Variants in ABCC9 observed in about 807,000 individuals in gnomAD.
ABCC9 encodes the protein ATP-binding cassette sub-family C member 9.
A neutral mutation model predicts 188.3 loss-of-function variants in ABCC9; 95 were observed. The ratio of observed to expected loss-of-function variants is 0.50; its 90% CI spans 0.43 to 0.60. The LOEUF (loss-of-function observed/expected upper bound fraction) is 0.60, where lower values mean the gene tolerates loss of function less well. Ranked by LOEUF, ABCC9 falls within the 20% of genes least tolerant of loss-of-function variation. ABCC9 has a pLI of 0.00. For missense variants in ABCC9, 1,102 were observed against 1,876.3 expected, an observed-to-expected ratio of 0.59 and a Z score of 7.62; for synonymous variants, 659 against 652.7, an observed-to-expected ratio of 1.01 and a Z score of -0.15.
In ABCC9 at chr12:21,910,896, T is replaced by G; in HGVS notation, c.1094A>C (p.Gln365Pro). ...GTAGGAAGCCTGCAAAAATGTCCTT[T>G]GCAGAATAAGAGCCAAGAAGAGAAG... Reference protein sequence around the residue: ...AVLLFLALILQRTFLQASYYV... With the variant: ...AVLLFLALILPRTFLQASYYV... The change falls in exon 9 of 40, where the codon CAA becomes CCA. Residue 365 changes from glutamine (Q) to proline (P), a missense_variant. By Grantham distance (76) the Gln-to-Pro change is moderately conservative (BLOSUM62 -1). This residue lies in a region of ABCC9 where 305 missense variants were observed against 573.0 expected (regional missense o/e 0.53). Transcript: ENST00000261200. The G allele has an allele frequency of 6.2e-7, 1 of 1,612,752 alleles. No homozygotes were observed. Among genetic ancestry groups the G allele is most frequent in the Non-Finnish European group, 8.5e-7 (1 of 1,178,996 alleles).
intron 10 of ABCC9, among the ~76,000 whole-genome samples, chr12:21,909,219 A>G (rs1460427677): frequency 1.3e-5 from 2 of 151,996 alleles, no homozygotes; most frequent in African/African-American, 4.8e-5. Context: ...ATAAAATGAG[A>G]CAAAGTACAT....
chr12:21,817,325 A>G lies in ABCC9; in HGVS notation c.3772-18T>C. ...TTGGTTATCTGTGTCAGGTGATTAA[A>G]AAAATTGTTTTAAATAAATTAAAGT... On this transcript the variant is annotated intron_variant, in intron 32 of 39. Transcript: ENST00000261200. 6.2e-7 allele frequency: 1 copy of G among 1,612,678 alleles called. No homozygotes were observed. Among genetic ancestry groups the G allele is most frequent in the African/African-American group, 1.3e-5 (1 of 74,988 alleles).
At chr12:21,880,076 A>C (rs1326587714) in intron 16 of ABCC9, among the ~76,000 whole-genome samples, 1 of 151,108 alleles carries the variant, frequency 6.6e-6, no homozygotes, top group Non-Finnish European at 1.5e-5. Context: ...GCAACTAGAT[A>C]TCACACTTGA....
chr12:21,895,821 G>A (rs748363001), intron 12 of ABCC9, among the ~76,000 whole-genome samples: 6 of 152,010 alleles, frequency 3.9e-5, no homozygotes, highest in Non-Finnish European at 7.4e-5. Context: ...GACTCTCTGC[G>A]TGTCTAAATA....
chr12:21,869,606 A>G, intron 18 of ABCC9: 1 of 152,206 alleles, frequency 6.6e-6, no homozygotes, highest in East Asian at 1.9e-4. Context: ...CACCTGCATC[A>G]GTCAGTATTT....
intron 33 of ABCC9, 26 bp downstream of exon 33, chr12:21,817,161 G>A (rs1187383595): frequency 6.2e-7 from 1 of 1,608,728 alleles, no homozygotes; most frequent in Admixed American, 1.7e-5. Context: ...ATATTTAAGT[G>A]AGACAAACAA....
chr12:21,806,428 G>A (rs1257012208), intron 38 of ABCC9, among the ~76,000 whole-genome samples: 1 of 152,108 alleles, frequency 6.6e-6, no homozygotes, highest in African/African-American at 2.4e-5. Flanking sequence ...TCAAAAAAGG[G>A]AAAAACTAAA....
intron 10 of ABCC9, among the ~76,000 whole-genome samples, chr12:21,909,669 T>C (rs1174099420): frequency 6.6e-6 from 1 of 151,936 alleles, no homozygotes; most frequent in Non-Finnish European, 1.5e-5. Flanking sequence ...ATTAAAGCAA[T>C]TGCTCTCGTT....
chr12:21,906,569 A>G lies in ABCC9; in HGVS notation c.1456-281T>C, dbSNP rs1259183364. 2.0e-5 allele frequency among the ~76,000 whole-genome samples: 3 copies of G among 152,144 alleles called. No homozygotes were observed. The East Asian group carries it at 5.8e-4, about 29-fold the overall frequency. ...TAAAAACAATTTTCTAAAGTTTCAC[A>G]TGATTTCCTTGAATCATGTCTGCAG... On this transcript the variant is annotated intron_variant, in intron 11 of 39. Transcript: ENST00000261200.
At chr12:21,835,007 G>C (rs75647295) in intron 30 of ABCC9, among the ~76,000 whole-genome samples, 2,540 of 152,114 alleles carry the variant, frequency 0.017, 65 homozygotes, top group African/African-American at 0.058. Context: ...ACGGCATCAG[G>C]CTGGCCTATG....
In ABCC9 at chr12:21,887,858, G is replaced by C. The variant is rs367770980; in HGVS notation, c.1879C>G (p.Pro627Ala). Residue 627 changes from proline to alanine, a missense_variant, in exon 15 of 40, where the codon CCT (proline) becomes GCT (alanine). Around this residue, in one of 12 missense-constraint regions of ABCC9, gnomAD observed 258 missense variants for 325.6 expected, o/e 0.79. Transcript: ENST00000261200. ...GTGTGCTTCTTACAGGACTCAAAAG[G>C]AAGCGAACTTTCACCAGTTCGCCAA... ...DSWRTGESSL[P>A]FESCKKHTGV... 2.5e-6 allele frequency: 4 copies of C among 1,613,190 alleles called. No homozygotes were observed. The African/African-American group carries it at 4.0e-5, about 16-fold the overall frequency.
chr12:21,919,424 A>T (rs769663820), intron 5 of ABCC9, among the ~76,000 whole-genome samples: 5 of 151,998 alleles, frequency 3.3e-5, no homozygotes, highest in Non-Finnish European at 7.4e-5. Context: ...CCAAAAATTT[A>T]CATGAAATGG....
rs1397301809 is a variant in ABCC9, at chr12:21,912,909, A to G, written c.974T>C (p.Val325Ala). ...ATTTGTCCCATTCTGGGTTTCATTC[A>G]CACGCTGAACTATTCCAGAAATACA... ...PLCISGIVQR[V>A]NETQNGTNNT... The change falls in exon 8 of 40, where the codon GTG becomes GCG. Residue 325 changes from valine to alanine, a missense_variant. Around this residue, in one of 12 missense-constraint regions of ABCC9, gnomAD observed 305 missense variants for 573.0 expected, o/e 0.53. Transcript: ENST00000261200. The G allele has an allele frequency of 4.3e-6, 7 of 1,613,638 alleles. No individual in the cohort carries two copies. Among genetic ancestry groups the G allele is most frequent in the Non-Finnish European group, 5.9e-6 (7 of 1,179,702 alleles).
At chr12:21,904,361 G>A (rs1947928045) in intron 12 of ABCC9, among the ~76,000 whole-genome samples, 4 of 152,102 alleles carry the variant, frequency 2.6e-5, no homozygotes, top group Admixed American at 2.6e-4. Flanking sequence ...TCAGGACATT[G>A]GCATGGGCAA....
chr12:21,811,476 C>T (rs771334286), intron 36 of ABCC9, among the ~76,000 whole-genome samples: 17 of 152,054 alleles, frequency 1.1e-4, no homozygotes, highest in Non-Finnish European at 2.4e-4. Flanking sequence ...TTTCAAAACC[C>T]TCATCTATAA....
chr12:21,925,668 C>A, intron 5 of ABCC9: 1 of 630,226 alleles, frequency 1.6e-6, no homozygotes, highest in South Asian at 1.8e-5. Context: ...CATATTTCCT[C>A]CACTTTCTTC....
At chr12:21,893,968 T>C in intron 14 of ABCC9, 64 bp downstream of exon 14, 1 of 1,519,006 alleles carries the variant, frequency 6.6e-7, no homozygotes, top group South Asian at 1.1e-5. Flanking sequence ...TTTCAAATAC[T>C]CCTATTAGCA....
intron 5 of ABCC9, chr12:21,925,554 C>G (rs1004180342): frequency 1.4e-5 from 10 of 701,898 alleles, no homozygotes; most frequent in Middle Eastern, 2.4e-4. Context: ...ACAGAAACAC[C>G]TGGAACTAGA....
intron 31 of ABCC9, among the ~76,000 whole-genome samples, chr12:21,819,454 G>A (rs1040689924): frequency 2.6e-5 from 4 of 152,208 alleles, no homozygotes; most frequent in Admixed American, 6.5e-5. Flanking sequence ...AAAACAGCTC[G>A]AAAGATCAAA....
Sources: gnomAD v4.1 joint callset for allele counts (sites outside exome capture counted in the v4.1 genomes callset) on GRCh38, gnomAD v4.1.1 for gene constraint, gnomAD v4.1.1 regional missense constraint, MANE v1.5 for transcripts, NCBI Gene and HGNC (gene_info 2026-07-23, HGNC 2026-07-21) for gene names.